GRIP1: variants seen among roughly 807,000 people sequenced by gnomAD.
GRIP1 encodes glutamate receptor-interacting protein 1.
A neutral mutation model predicts 129.9 loss-of-function variants in GRIP1; 45 were observed. The ratio of observed to expected loss-of-function variants is 0.35; its 90% confidence interval spans 0.27 to 0.44. GRIP1 has a LOEUF of 0.44. GRIP1 is among the 20% of genes least tolerant of loss of function. The pLI is 1.00. For synonymous variants in GRIP1, 530 were observed against 520.8 expected (o/e 1.02, Z -0.24); for missense variants, 1,196 against 1,396.8 (o/e 0.86, Z 2.29).
At chr12:66,464,804 A>C (rs554461810) in intron 8 of GRIP1, among the ~76,000 whole-genome samples, 1 of 147,846 alleles carries the variant, frequency 6.8e-6, no homozygotes, top group South Asian at 2.2e-4. Context: ...AACCTGTATA[A>C]ACTGGCAAGA....
chr12:66,766,238 C>T (rs1322965760), intron 1 of GRIP1, among the ~76,000 whole-genome samples: 1 of 152,112 alleles, frequency 6.6e-6, no homozygotes, highest in Non-Finnish European at 1.5e-5. Flanking sequence ...CATATATCGA[C>T]CAGGAATGGT....
intron 1 of GRIP1, among the ~76,000 whole-genome samples, chr12:66,625,327 C>T (rs1485009162): frequency 6.6e-6 from 1 of 152,170 alleles, no homozygotes; most frequent in Non-Finnish European, 1.5e-5. Flanking sequence ...ACTCCTTGAT[C>T]TGGGTTATGC....
intron 1 of GRIP1, among the ~76,000 whole-genome samples, chr12:66,795,219 T>C (rs1237040847): frequency 6.6e-6 from 1 of 152,232 alleles, no homozygotes; most frequent in Middle Eastern, 3.2e-3. Flanking sequence ...TTTGTTAACC[T>C]ATATCCAATT....
chr12:66,656,906 TTA>T (rs2033192111), intron 1 of GRIP1, among the ~76,000 whole-genome samples: 1 of 152,162 alleles, frequency 6.6e-6, no homozygotes, highest in African/African-American at 2.4e-5. Flanking sequence ...CACTTGGTTT[TTA>T]TCCCAATAGA....
At chr12:66,540,972 T>A (rs180682937) in intron 3 of GRIP1, among the ~76,000 whole-genome samples, 197 of 151,984 alleles carry the variant, frequency 1.3e-3, no homozygotes, top group East Asian at 0.01. Context: ...CTTTTTTTTT[T>A]TAATTTTTTT....
chr12:66,520,896 T>C (rs1361887996), intron 5 of GRIP1, among the ~76,000 whole-genome samples: 1 of 152,230 alleles, frequency 6.6e-6, no homozygotes, highest in Non-Finnish European at 1.5e-5. Context: ...TTCAAGAACC[T>C]TCTCGTTCAG....
intron 1 of GRIP1, among the ~76,000 whole-genome samples, chr12:66,995,128 C>A (rs1185930648): frequency 6.6e-6 from 1 of 151,102 alleles, no homozygotes; most frequent in Non-Finnish European, 1.5e-5. Flanking sequence ...TCTAGTACAA[C>A]TGGATATTTA....
rs374213317 is a variant in GRIP1 at position 66,787,839 on chromosome 12, G to A, written c.-420+16214C>T. ...CTAAGATACCCCCCAAAAGCAAACTGTATGAGTTAGAACAGGTAGGGACTT... is the reference window on the plus strand; with the variant it reads ...CTAAGATACCCCCCAAAAGCAAACTATATGAGTTAGAACAGGTAGGGACTT... On this transcript the variant is annotated intron_variant, in intron 1 of 4. Coordinates refer to the GRIP1 transcript ENST00000538373. Among the ~76,000 whole-genome samples, 84 of 152,272 alleles carry A rather than the reference G, an allele frequency of 5.5e-4. 1 individual carries two copies. The highest frequency in any genetic ancestry group is 2.0e-3 in the African/African-American group (82 of 41,560).
At chr12:66,746,567 T>C (rs916257468) in intron 1 of GRIP1, among the ~76,000 whole-genome samples, 1 of 152,184 alleles carries the variant, frequency 6.6e-6, no homozygotes, top group African/African-American at 2.4e-5. Context: ...AGTGGGAACA[T>C]GTCTTTCTCC....
chr12:66,818,579 T>C (rs2039265431), intron 1 of GRIP1, among the ~76,000 whole-genome samples: 1 of 152,220 alleles, frequency 6.6e-6, no homozygotes, highest in African/African-American at 2.4e-5. Flanking sequence ...TTTTTTTGGA[T>C]ACAGTCATAG....
rs376905236 is a variant in GRIP1 at position 66,444,564 on chromosome 12, C to CTGACTCTGTCACTGACT, written c.1687+19_1687+20insAGTCAGTGACAGAGTCA. On this transcript the variant is annotated intron_variant, in intron 13 of 24. Transcript: ENST00000359742. ...AATATAACTCACATGCAGTCCACTCCTGAGATGATATGATTATACCTGCAA... is the reference window on the plus strand; with the variant it reads ...AATATAACTCACATGCAGTCCACTCCTGACTCTGTCACTGACTTGAGATGATATGATTATACCTGCAA... 13,436 of 1,603,802 alleles carry CTGACTCTGTCACTGACT rather than the reference C, an allele frequency of 8.4e-3. 968 individuals are homozygous for CTGACTCTGTCACTGACT. The African/African-American group carries it at 0.16, about 19-fold the overall frequency.
At chr12:66,751,972 A>G (rs1026477053) in intron 1 of GRIP1, among the ~76,000 whole-genome samples, 1 of 152,168 alleles carries the variant, frequency 6.6e-6, no homozygotes, top group Admixed American at 6.6e-5. Flanking sequence ...ATCACTGTCA[A>G]TAAGGTAAGC....
At chr12:66,471,841 A>G (rs917178993) in intron 7 of GRIP1, among the ~76,000 whole-genome samples, 5 of 152,218 alleles carry the variant, frequency 3.3e-5, no homozygotes, top group Non-Finnish European at 7.3e-5. Context: ...AAGCAAATCA[A>G]TGATGGTGTC....
intron 1 of GRIP1, among the ~76,000 whole-genome samples, chr12:66,932,915 C>T (rs2041423174): frequency 6.6e-6 from 1 of 152,164 alleles, no homozygotes; most frequent in South Asian, 2.1e-4. Context: ...GATCCACCTG[C>T]CTGGACCTCC....
chr12:66,377,155 G>A lies in GRIP1; in HGVS notation c.2733+19C>T. On this transcript the variant is annotated intron_variant, in intron 21 of 24. Transcript: ENST00000359742. Reference sequence around the variant, plus strand: ...ATGAATGTAGAAACAATAAAAGTAAGTAGCAGGACCAAGGCTACCTCCAGT... The same window carrying A: ...ATGAATGTAGAAACAATAAAAGTAAATAGCAGGACCAAGGCTACCTCCAGT... 6 of 1,573,178 alleles carry A rather than the reference G, an allele frequency of 3.8e-6. No homozygotes were observed. The highest frequency in any genetic ancestry group is 5.3e-6 in the Non-Finnish European group (6 of 1,142,506).
chr12:66,601,034 C>A (rs7131878), intron 1 of GRIP1, among the ~76,000 whole-genome samples: 85,257 of 152,102 alleles, frequency 0.56, 25,061 homozygotes, highest in African/African-American at 0.7. Flanking sequence ...AGTGACATCT[C>A]ATGAGGCTAG....
intron 1 of GRIP1, among the ~76,000 whole-genome samples, chr12:66,963,437 A>G (rs556309996): frequency 6.6e-6 from 1 of 152,242 alleles, no homozygotes; most frequent in Non-Finnish European, 1.5e-5. Context: ...CTCACAACAT[A>G]TCTATAATAA....
chr12:66,983,978 T>C (rs1202871117), intron 1 of GRIP1, among the ~76,000 whole-genome samples: 2 of 152,150 alleles, frequency 1.3e-5, no homozygotes, highest in African/African-American at 2.4e-5. Flanking sequence ...ACAGAAGATG[T>C]TGATCATAGC....
intron 1 of GRIP1, among the ~76,000 whole-genome samples, chr12:66,859,274 AACAAAAAAACAAAAAAAC>A (rs2040064044): frequency 7.6e-5 from 1 of 13,242 alleles, no homozygotes; most frequent in Non-Finnish European, 3.4e-4. Flanking sequence ...AAAACAAAAA[AACAAAAAAACAAAAAAAC>A]AAAAAAACAA....
Sources: gnomAD v4.1 joint callset for allele counts (sites outside exome capture counted in the v4.1 genomes callset) on GRCh38, gnomAD v4.1.1 for gene constraint, MANE v1.5 for transcripts, NCBI Gene and HGNC (gene_info 2026-07-23, HGNC 2026-07-21) for gene names.